The following SFR1 variants were observed in gnomAD, a reference collection of about 807,000 sequenced individuals.
SFR1 encodes the protein swi5-dependent recombination DNA repair protein 1 homolog.
In SFR1, 24 loss-of-function variants were observed where a neutral mutation model predicts 26.2. The ratio of observed to expected loss-of-function variants is 0.92; its 90% CI spans 0.66 to 1.29. The LOEUF is 1.29. Among genes scored for constraint, SFR1 ranks in the 50% most tolerant of loss-of-function variants. SFR1 has a pLI of 0.00. For synonymous variants in SFR1, 77 were observed against 96.6 expected, an observed-to-expected ratio of 0.80 and a Z score of 1.19; for missense variants, 276 against 270.2, an observed-to-expected ratio of 1.02 and a Z score of -0.15.
intron 2 of SFR1, 200 bp downstream of exon 2, chr10:104,123,286 A>G (rs747826314): frequency 1.6e-4 from 82 of 500,174 alleles, no homozygotes; most frequent in Non-Finnish European, 2.4e-4. Flanking sequence ...TTCCTCTTGA[A>G]TGAATTCATT....
Position 104,125,902 on chromosome 10 carries a change from A to G in SFR1, c.*198A>G. 1 of 383,388 alleles carries G rather than the reference A, an allele frequency of 2.6e-6. No individual in the cohort carries two copies. The highest frequency in any genetic ancestry group is 4.8e-6 in the Non-Finnish European group (1 of 210,366). 23.7% of individuals were successfully genotyped at this position (383,388 alleles called of 1,614,324 possible). ...TGCCTCAGCCTCCCGAGTAGCTGAG[A>G]TTACAGGCGCCCGCCACCATGCCCG... is the stretch of plus-strand genomic sequence containing the variant. On this transcript the variant is annotated 3_prime_UTR_variant, in exon 4 of 4. Coordinates refer to ENST00000369727, the MANE Select transcript of SFR1 (RefSeq NM_001002759.2).
rs901265764 is a variant in SFR1 at position 104,122,198 on chromosome 10, T to C, written c.13+2T>C. 2 of 1,543,030 alleles carry C rather than the reference T, an allele frequency of 1.3e-6. No individual in the cohort carries two copies. Among genetic ancestry groups the C allele is most frequent in the Non-Finnish European group, 1.7e-6 (2 of 1,143,472 alleles). ...TCTCGCTGGGAATGGCGGAGGGAGGTACCCTGCTGAGGGGAAGGGGGGATC... is the reference window on the plus strand; with the variant it reads ...TCTCGCTGGGAATGGCGGAGGGAGGCACCCTGCTGAGGGGAAGGGGGGATC... On this transcript the variant is annotated splice_donor_variant, in intron 1 of 3. Coordinates refer to ENST00000369727, the MANE Select transcript of SFR1 (RefSeq NM_001002759.2). LOFTEE classifies it high-confidence loss of function.
intron 2 of SFR1, 40 bp downstream of exon 2, chr10:104,123,126 T>C: frequency 6.8e-7 from 1 of 1,462,274 alleles, no homozygotes; most frequent in Non-Finnish European, 9.2e-7. Flanking sequence ...CCATTATGTG[T>C]TTCTAAGTAT....
chr10:104,125,633 A>G lies in SFR1; in HGVS notation c.667A>G (p.Ile223Val). ...CAAGAAACTAAGCCTTACTCAATTG[A>G]TAGACCACTATGGGTTAGATGATAA... Reference protein sequence around the residue: ...ENKKLSLTQLIDHYGLDDKLL... With the variant: ...ENKKLSLTQLVDHYGLDDKLL... Residue 223 changes from isoleucine to valine, a missense_variant, in exon 4 of 4, where the codon ATA becomes GTA. Ile to Val is a conservative substitution (Grantham distance 29, BLOSUM62 3). Coordinates refer to ENST00000369727, the MANE Select transcript of SFR1 (RefSeq NM_001002759.2). 6.2e-7 allele frequency: 1 copy of G among 1,613,038 alleles called. No individual in the cohort carries two copies. The highest frequency in any genetic ancestry group is 8.5e-7 in the Non-Finnish European group (1 of 1,179,008).
chr10:104,125,414 G>C (rs2087014365), intron 3 of SFR1, 99 bp from the exon 4 acceptor site: 1 of 877,732 alleles, frequency 1.1e-6, no homozygotes, highest in South Asian at 1.6e-5. Context: ...CCCTGTGTAT[G>C]TTAGCCTTTA....
At chr10:104,122,611 T>C in intron 1 of SFR1, 4 of 985,414 alleles carry the variant, frequency 4.1e-6, no homozygotes, top group Non-Finnish European at 4.8e-6. Flanking sequence ...CGGCTATAGC[T>C]TCTTGAATTA....
In SFR1 at chr10:104,122,915, C is replaced by T. The variant is rs769634666; in HGVS notation, c.14-50C>T. On this transcript the variant is annotated intron_variant, in intron 1 of 3. Transcript: ENST00000369727. ...CAATATATTATTTGATAAAAGTCGACTATAGAGAGGTGTGGTTAATTCGAT... is the reference window on the plus strand; with the variant it reads ...CAATATATTATTTGATAAAAGTCGATTATAGAGAGGTGTGGTTAATTCGAT... 9.4e-6 allele frequency: 15 copies of T among 1,601,680 alleles called. No homozygotes were observed. The East Asian group carries it at 3.4e-4, about 36-fold the overall frequency.
Position 104,124,991 on chromosome 10 carries a change from TAG to T in SFR1, c.547-519_547-518del, listed in dbSNP as rs1388483562. On this transcript the variant is annotated intron_variant, in intron 3 of 3. Transcript: ENST00000369727. Reference sequence around the variant, plus strand: ...TTTTAAAATTATTTTTTTGTAGACATAGAGTCTTGCTATTTTGCACAGTGTAG... The same window carrying T: ...TTTTAAAATTATTTTTTTGTAGACATAGTCTTGCTATTTTGCACAGTGTAG... Among the ~76,000 whole-genome samples, 4 of 151,970 alleles carry T rather than the reference TAG, an allele frequency of 2.6e-5. No individual in the cohort carries two copies. In the East Asian group the frequency reaches 7.7e-4, roughly 29 times the overall value.
intron 1 of SFR1, chr10:104,122,418 A>G (rs959838741): frequency 2.0e-6 from 2 of 985,290 alleles, no homozygotes; most frequent in Non-Finnish European, 1.2e-6. Flanking sequence ...GGAGGAAGCA[A>G]TTTCAGTCCA....
intron 3 of SFR1, among the ~76,000 whole-genome samples, chr10:104,124,544 T>C (rs2087004956): frequency 6.7e-6 from 1 of 149,976 alleles, no homozygotes; most frequent in South Asian, 2.1e-4. Flanking sequence ...AGCCATTTTA[T>C]TTGAGAAAAT....
chr10:104,122,155 G>A (rs1435414948), upstream of SFR1: 3 of 1,547,676 alleles, frequency 1.9e-6, no homozygotes, highest in African/African-American at 1.4e-5. Flanking sequence ...ACGGCCGCAG[G>A]TGCGCGCGCT....
At chr10:104,123,489 T>G in intron 2 of SFR1, 1 of 431,974 alleles carries the variant, frequency 2.3e-6, no homozygotes, top group Non-Finnish European at 4.1e-6. Flanking sequence ...GATAAACTTC[T>G]CAACACTTTT....
At chr10:104,122,654 C>G in intron 1 of SFR1, 2 of 1,331,190 alleles carry the variant, frequency 1.5e-6, no homozygotes, top group Non-Finnish European at 1.9e-6. Context: ...TCCTGATTAT[C>G]TAAAGCTGTT....
In SFR1 at chr10:104,125,932, A is replaced by T. The variant is rs2087022903; in HGVS notation, c.*228A>T. 3.2e-6 allele frequency: 1 copy of T among 313,942 alleles called. No homozygotes were observed. The highest frequency in any genetic ancestry group is 2.2e-5 in the African/African-American group (1 of 45,892). The allele number at this position is 313,942 out of a possible 1,614,324, so 19.4% of individuals were successfully genotyped here. On this transcript the variant is annotated 3_prime_UTR_variant, in exon 4 of 4. Coordinates refer to ENST00000369727, the MANE Select transcript of SFR1 (RefSeq NM_001002759.2). ...AGGCGCCCGCCACCATGCCCGGCTA[A>T]TTTTTGCATTTTTAGTAGAGACTGG...
chr10:104,125,844 C>A lies in SFR1; in HGVS notation c.*140C>A. Reference sequence around the variant, plus strand: ...GTGATGGTGCGATCTTGACTCACTGCAACCTCTGCCTCTCGGGTTCCAGCA... The same window carrying A: ...GTGATGGTGCGATCTTGACTCACTGAAACCTCTGCCTCTCGGGTTCCAGCA... On this transcript the variant is annotated 3_prime_UTR_variant, in exon 4 of 4. Transcript: ENST00000369727. The A allele has an allele frequency of 1.9e-6, 1 of 537,228 alleles. No individual in the cohort carries two copies. The highest frequency in any genetic ancestry group is 3.3e-6 in the Non-Finnish European group (1 of 306,770). 33.3% of individuals were successfully genotyped at this position (537,228 alleles called of 1,614,324 possible).
chr10:104,122,385 C>T (rs1249278012), intron 1 of SFR1, 189 bp downstream of exon 1: 12 of 985,296 alleles, frequency 1.2e-5, no homozygotes, highest in African/African-American at 3.5e-5. Flanking sequence ...CTAGTTTACC[C>T]CTCAAAAGTT....
Position 104,125,569 on chromosome 10 carries a change from C to T in SFR1, c.603C>T (p.Leu201=), listed in dbSNP as rs77530916. Reference sequence around the variant, plus strand: ...AGAAGTGGAGAAGCTGTAGCCAGCTCTTGCTTTATGAGTTGCAGTCAGCTG... The same window carrying T: ...AGAAGTGGAGAAGCTGTAGCCAGCTTTTGCTTTATGAGTTGCAGTCAGCTG... ...LIKKWRSCSQ[L]LLYELQSAVS... The change falls in exon 4 of 4, where the codon CTC becomes CTT. Residue 201 remains leucine, a synonymous_variant. Coordinates refer to ENST00000369727, the MANE Select transcript of SFR1 (RefSeq NM_001002759.2). 478 of 1,613,684 alleles carry T rather than the reference C, an allele frequency of 3.0e-4. 3 individuals carry two copies. In the African/African-American group the frequency reaches 5.7e-3, roughly 19 times the overall value.
In SFR1 at chr10:104,125,780, T is replaced by A; in HGVS notation, c.*76T>A. 9.8e-7 allele frequency: 1 copy of A among 1,023,650 alleles called. No individual in the cohort carries two copies. Among genetic ancestry groups the A allele is most frequent in the South Asian group, 1.6e-5 (1 of 62,198 alleles). The allele number at this position is 1,023,650 out of a possible 1,614,324, so 63.4% of individuals were successfully genotyped here. A position where few individuals can be genotyped will look rare whatever the true frequency, so the allele number is the denominator to read the frequency against. ...GATACTTAGGCACTTTTTTTTTTTT[T>A]TTGAGACTGAGTTTCGCTCTTGTCA... On this transcript the variant is annotated 3_prime_UTR_variant, in exon 4 of 4. Coordinates refer to ENST00000369727, the MANE Select transcript of SFR1 (RefSeq NM_001002759.2).
chr10:104,121,338 TACA>T (rs529563742), upstream of SFR1, among the ~76,000 whole-genome samples: 256 of 152,204 alleles, frequency 1.7e-3, no homozygotes, highest in Non-Finnish European at 2.5e-3. Context: ...GTTTTTTGTT[TACA>T]ACAACAACAA....
Sources: allele counts gnomAD v4.1 joint callset (sites outside exome capture counted in the v4.1 genomes callset), GRCh38; gene constraint gnomAD v4.1.1; transcripts MANE v1.5; gene names NCBI Gene and HGNC (gene_info 2026-07-23, HGNC 2026-07-21).